Variants in PDGFC observed in about 807,000 individuals in gnomAD.
PDGFC encodes platelet-derived growth factor C.
A neutral mutation model predicts 35.5 loss-of-function variants in PDGFC; 12 were observed. That is an observed-to-expected ratio of 0.34 (90% confidence interval 0.22 to 0.55). The LOEUF (loss-of-function observed/expected upper bound fraction) is 0.55, where lower values mean the gene tolerates loss of function less well. Ranked by LOEUF, PDGFC falls within the 20% of genes least tolerant of loss-of-function variation. The pLI, the probability that PDGFC is intolerant of heterozygous loss-of-function variation, is 0.91. For missense variants in PDGFC, 322 were observed against 412.4 expected, an observed-to-expected ratio of 0.78 and a Z score of 1.90; for synonymous variants, 159 against 148.8, an observed-to-expected ratio of 1.07 and a Z score of -0.50.
chr4:156,958,579 G>T (rs1190850547), intron 1 of PDGFC, among the ~76,000 whole-genome samples: 1 of 151,984 alleles, frequency 6.6e-6, no homozygotes, highest in Non-Finnish European at 1.5e-5. Context: ...TTTGACAGAA[G>T]TTACAGAATG....
At chr4:156,882,559 G>A (rs1730268659) in intron 1 of PDGFC, among the ~76,000 whole-genome samples, 1 of 152,072 alleles carries the variant, frequency 6.6e-6, no homozygotes, top group African/African-American at 2.4e-5. Flanking sequence ...GGGTATAGAA[G>A]GTTAACATGT....
chr4:156,765,987 G>A (rs1034992207), intron 5 of PDGFC, among the ~76,000 whole-genome samples: 2 of 152,074 alleles, frequency 1.3e-5, no homozygotes, highest in African/African-American at 4.8e-5. Context: ...ATTTAGGCAC[G>A]AGGGCTAAGC....
intron 2 of PDGFC, among the ~76,000 whole-genome samples, chr4:156,831,437 G>A (rs1020198117): frequency 8.0e-6 from 1 of 125,278 alleles, no homozygotes; most frequent in African/African-American, 3.6e-5. Flanking sequence ...ATGAGACCCT[G>A]TCTTTTTTTT....
chr4:156,907,107 T>G (rs1052618327), intron 1 of PDGFC, among the ~76,000 whole-genome samples: 2 of 152,132 alleles, frequency 1.3e-5, no homozygotes, highest in African/African-American at 2.4e-5. Context: ...GTATCTTAGA[T>G]TAGGAGAATA....
chr4:156,824,321 TATATATAC>T (rs1429443471), intron 2 of PDGFC, among the ~76,000 whole-genome samples: 10 of 96,244 alleles, frequency 1.0e-4, no homozygotes, highest in East Asian at 3.0e-4. Context: ...TATATATATA[TATATATAC>T]ACACACACAC....
chr4:156,786,721 A>T (rs1731137859), intron 3 of PDGFC, among the ~76,000 whole-genome samples: 2 of 152,240 alleles, frequency 1.3e-5, no homozygotes, highest in Non-Finnish European at 2.9e-5. Flanking sequence ...ATAATCTTTT[A>T]GTATAAGTAT....
At chr4:156,913,032 A>G (rs1731074699) in intron 1 of PDGFC, among the ~76,000 whole-genome samples, 1 of 152,068 alleles carries the variant, frequency 6.6e-6, no homozygotes, top group Non-Finnish European at 1.5e-5. Context: ...TAACAGGAAA[A>G]CCCAGATGTA....
At chr4:156,961,612 G>A (rs1200873912) in intron 1 of PDGFC, among the ~76,000 whole-genome samples, 7 of 152,088 alleles carry the variant, frequency 4.6e-5, no homozygotes, top group Non-Finnish European at 7.4e-5. Context: ...CACGGGACCC[G>A]AATGAATGTC....
chr4:156,767,798 C>G lies in PDGFC; in HGVS notation c.896G>C (p.Ser299Thr). The change falls in exon 5 of 6, where the codon AGC becomes ACC. Residue 299 changes from serine (S) to threonine (T), a missense_variant. Physicochemically the swap from Ser to Thr is moderately conservative, Grantham distance 58. Coordinates refer to ENST00000502773, the MANE Select transcript of PDGFC (RefSeq NM_016205.3). ...HNCNECQCVP[S>T]KVTKKYHEVL... is the part of the protein sequence containing the mutation. ...CTCGTGGTATTTTTTAGTAACTTTG[C>G]TTGGGACACATTGACATTCATTGCA... is the stretch of plus-strand genomic sequence containing the variant. The G allele has an allele frequency of 6.2e-7, 1 of 1,612,584 alleles. No homozygotes were observed. The highest frequency in any genetic ancestry group is 1.1e-5 in the South Asian group (1 of 91,028).
At chr4:156,872,624 T>A (rs757046576) in intron 1 of PDGFC, among the ~76,000 whole-genome samples, 5 of 152,222 alleles carry the variant, frequency 3.3e-5, no homozygotes, top group Non-Finnish European at 5.9e-5. Flanking sequence ...TTCATCTCTT[T>A]AACTAGATTA....
chr4:156,883,710 T>TTCTTTC (rs200093254), intron 1 of PDGFC, among the ~76,000 whole-genome samples: 1 of 152,174 alleles, frequency 6.6e-6, no homozygotes, highest in Non-Finnish European at 1.5e-5. Flanking sequence ...GATCTGAGAT[T>TTCTTTC]TCTTTCTCTT....
At chr4:156,901,282 C>T (rs1730775987) in intron 1 of PDGFC, among the ~76,000 whole-genome samples, 1 of 152,146 alleles carries the variant, frequency 6.6e-6, no homozygotes, top group African/African-American at 2.4e-5. Context: ...CCTAGAGATA[C>T]TGAGGAGTCA....
At chr4:156,845,617 A>T (rs1160907477) in intron 2 of PDGFC, among the ~76,000 whole-genome samples, 1 of 151,880 alleles carries the variant, frequency 6.6e-6, no homozygotes, top group Non-Finnish European at 1.5e-5. Flanking sequence ...AACTATGTCC[A>T]GTGGAAGTTT....
chr4:156,969,910 T>C (rs1732551883), intron 1 of PDGFC, among the ~76,000 whole-genome samples: 1 of 152,176 alleles, frequency 6.6e-6, no homozygotes, highest in South Asian at 2.1e-4. Context: ...AAAAATGACT[T>C]CATAATGGTA....
At chr4:156,966,037 A>G (rs541568924) in intron 1 of PDGFC, among the ~76,000 whole-genome samples, 6 of 152,186 alleles carry the variant, frequency 3.9e-5, no homozygotes, top group Middle Eastern at 3.4e-3. Context: ...TCTCTTCCCA[A>G]CTCATTGGAA....
At chr4:156,834,165 A>G (rs1729008499) in intron 2 of PDGFC, among the ~76,000 whole-genome samples, 1 of 152,158 alleles carries the variant, frequency 6.6e-6, no homozygotes, top group South Asian at 2.1e-4. Context: ...CTCTTGGGAA[A>G]ATCCTCATAT....
rs114961382 is a variant in PDGFC, at chr4:156,884,056, T to C, written c.119-33640A>G. ...GTACAAGAACTAAAAGCAACTATTC[T>C]TCTCTGGATCCTCAAGGAACGCATG... is the stretch of plus-strand genomic sequence containing the variant. On this transcript the variant is annotated intron_variant, in intron 1 of 5. Coordinates refer to ENST00000502773, the MANE Select transcript of PDGFC (RefSeq NM_016205.3). 3.5e-3 allele frequency among the ~76,000 whole-genome samples: 528 copies of C among 152,248 alleles called. 3 individuals are homozygous for C. Among genetic ancestry groups the C allele is most frequent in the African/African-American group, 0.012 (485 of 41,538 alleles).
At chr4:156,822,925 G>C (rs1046330999) in intron 2 of PDGFC, among the ~76,000 whole-genome samples, 1 of 151,808 alleles carries the variant, frequency 6.6e-6, no homozygotes, top group Admixed American at 6.6e-5. Context: ...ATAGAGATGG[G>C]GTTTCTCCGT....
Position 156,763,006 on chromosome 4 carries a change from G to A in PDGFC, c.*84C>T. ...CCTTGAAGCAAACAACTGAGATTAA[G>A]GATGGAGATAACGCATACGTTCTCT... On this transcript the variant is annotated 3_prime_UTR_variant, in exon 6 of 6. Coordinates refer to ENST00000502773, the MANE Select transcript of PDGFC (RefSeq NM_016205.3). The A allele has an allele frequency of 1.4e-6, 1 of 738,772 alleles. No individual in the cohort carries two copies. The highest frequency in any genetic ancestry group is 1.5e-5 in the South Asian group (1 of 66,096). The allele number at this position is 738,772 out of a possible 1,614,324, so 45.8% of individuals were successfully genotyped here.
Sources: gnomAD v4.1 joint callset for allele counts (sites outside exome capture counted in the v4.1 genomes callset) on GRCh38, gnomAD v4.1.1 for gene constraint, MANE v1.5 for transcripts, NCBI Gene and HGNC (gene_info 2026-07-23, HGNC 2026-07-21) for gene names.